Variants in SIK2 observed in about 807,000 individuals in gnomAD.
SIK2 encodes the protein serine/threonine-protein kinase SIK2.
In SIK2, 29 loss-of-function variants were observed where a neutral mutation model predicts 103.2. That is an observed-to-expected ratio of 0.28 (90% CI 0.21 to 0.38). The LOEUF (loss-of-function observed/expected upper bound fraction) is 0.38. Ranked by LOEUF, SIK2 falls within the 10% of genes least tolerant of loss-of-function variation. The pLI is 1.00. For synonymous variants in SIK2, 412 were observed against 446.1 expected, an observed-to-expected ratio of 0.92 and a Z score of 0.96; for missense variants, 879 against 1,171.0, an observed-to-expected ratio of 0.75 and a Z score of 3.64.
At chr11:111,635,308 A>G (rs556878953) in intron 3 of SIK2, among the ~76,000 whole-genome samples, 2 of 151,680 alleles carry the variant, frequency 1.3e-5, no homozygotes, top group South Asian at 2.1e-4. Flanking sequence ...TGAAAGGGGT[A>G]TATGAGTTTA....
intron 3 of SIK2, among the ~76,000 whole-genome samples, chr11:111,638,265 G>A (rs1942136284): frequency 6.6e-6 from 1 of 152,172 alleles, no homozygotes; most frequent in African/African-American, 2.4e-5. Context: ...GGGTTCTTAG[G>A]TCTGGAGACC....
At chr11:111,702,807 C>G (rs747428127) in intron 6 of SIK2, among the ~76,000 whole-genome samples, 5 of 152,176 alleles carry the variant, frequency 3.3e-5, no homozygotes, top group Non-Finnish European at 5.9e-5. Context: ...CGTTGGAGAG[C>G]TCTTTGCCTC....
rs1347223552 is a variant in SIK2 at position 111,602,554 on chromosome 11, G to A, written c.-10G>A. The A allele has an allele frequency of 3.3e-6, 5 of 1,504,978 alleles. No homozygotes were observed. The Admixed American group carries it at 8.6e-5, about 26-fold the overall frequency. 93.2% of individuals were successfully genotyped at this position (1,504,978 alleles called of 1,614,324 possible). A position where few individuals can be genotyped will look rare whatever the true frequency, so the allele number is the denominator to read the frequency against. On this transcript the variant is annotated 5_prime_UTR_variant, in exon 1 of 15. Transcript: ENST00000304987. This position sits in a 1 kb window ranked among gnomAD's most constrained non-coding sequence, Gnocchi z 4.5. ...GCTCCTGTCCGCCGTGTCTAGCAGC[G>A]GGGCCCAGCATGGTCATGGCGGATG...
intron 3 of SIK2, among the ~76,000 whole-genome samples, chr11:111,687,615 C>T (rs569360027): frequency 2.0e-4 from 20 of 98,958 alleles, no homozygotes; most frequent in African/African-American, 6.4e-4. Context: ...AAAAAAAAAA[C>T]TTTTTTTTTT....
At chr11:111,630,746 A>G (rs1162874691) in intron 3 of SIK2, among the ~76,000 whole-genome samples, 3 of 152,186 alleles carry the variant, frequency 2.0e-5, no homozygotes, top group African/African-American at 4.8e-5. Flanking sequence ...TTGGTCATTA[A>G]GAGATCACCA....
rs79559515 is a variant in SIK2 at position 111,665,999 on chromosome 11, G to A, written c.317-22002G>A. On this transcript the variant is annotated intron_variant, in intron 3 of 14. Coordinates refer to ENST00000304987, the MANE Select transcript of SIK2 (RefSeq NM_015191.3). Reference sequence around the variant, plus strand: ...CCTTGGAGAGTTCCAGGCAGTAGACGCTTTACAATGTGTGTGACTACTGCA... The same window carrying A: ...CCTTGGAGAGTTCCAGGCAGTAGACACTTTACAATGTGTGTGACTACTGCA... Among the ~76,000 whole-genome samples, 1,221 of 152,294 alleles carry A rather than the reference G, an allele frequency of 8.0e-3. 28 individuals are homozygous for A. Among genetic ancestry groups the A allele is most frequent in the African/African-American group, 0.027 (1,140 of 41,556 alleles).
At chr11:111,617,862 A>G (rs1488461707) in intron 2 of SIK2, among the ~76,000 whole-genome samples, 1 of 147,286 alleles carries the variant, frequency 6.8e-6, no homozygotes, top group East Asian at 2.0e-4. Flanking sequence ...ATATATATAT[A>G]CACACACACA....
At position 111,667,124 on chromosome 11, in the gene SIK2, T is replaced by A. The variant is rs930588454; in HGVS notation, c.317-20877T>A. The stretch of plus-strand genomic sequence containing the variant: ...CTGGGATTACTGGCTAATTTTTGTA[T>A]TTTTAGTAGAGATGGGGTTTCGACA... On this transcript the variant is annotated intron_variant, in intron 3 of 14. Coordinates refer to ENST00000304987, the MANE Select transcript of SIK2 (RefSeq NM_015191.3). Among the ~76,000 whole-genome samples the A allele has an allele frequency of 3.3e-5, 5 of 152,036 alleles. No homozygotes were observed. The East Asian group carries it at 7.7e-4, about 24-fold the overall frequency.
intron 3 of SIK2, among the ~76,000 whole-genome samples, chr11:111,650,834 C>T (rs1185057157): frequency 2.0e-5 from 3 of 152,040 alleles, no homozygotes; most frequent in Non-Finnish European, 2.9e-5. Flanking sequence ...CCAAAGTGAG[C>T]TCTACTTTAA....
At chr11:111,608,611 G>A (rs540917697) in intron 1 of SIK2, among the ~76,000 whole-genome samples, 6 of 152,170 alleles carry the variant, frequency 3.9e-5, no homozygotes, top group Admixed American at 6.5e-5. Flanking sequence ...TAACATTTCC[G>A]TAAGTTTGAA....
In SIK2 at chr11:111,726,911, A is replaced by G; in HGVS notation, c.*2782A>G. ...GAGGTAAAAATTTCGTTCGGCAAAA[A>G]GTGCAATATGTGTGGTACTTTATTT... On this transcript the variant is annotated 3_prime_UTR_variant, in exon 15 of 15. Coordinates refer to ENST00000304987, the MANE Select transcript of SIK2 (RefSeq NM_015191.3). The G allele has an allele frequency of 6.4e-7, 1 of 1,573,368 alleles. No homozygotes were observed. Among genetic ancestry groups the G allele is most frequent in the Non-Finnish European group, 8.7e-7 (1 of 1,145,502 alleles).
rs937895551 is a variant in SIK2 at position 111,620,203 on chromosome 11, A to G, written c.253-136A>G. 66 of 662,644 alleles carry G rather than the reference A, an allele frequency of 1.0e-4. 1 individual carries two copies. Among genetic ancestry groups the G allele is most frequent in the Non-Finnish European group, 1.7e-4 (64 of 374,486 alleles). The allele number at this position is 662,644 out of a possible 1,614,324, so 41.0% of individuals were successfully genotyped here. On this transcript the variant is annotated intron_variant, in intron 2 of 14. Transcript: ENST00000304987. ...TAATCAGAAGGATATTGTCAGGCTTATGAACTTAGCCATCTTCGGAATTGT... is the reference window on the plus strand; with the variant it reads ...TAATCAGAAGGATATTGTCAGGCTTGTGAACTTAGCCATCTTCGGAATTGT...
intron 3 of SIK2, among the ~76,000 whole-genome samples, chr11:111,657,637 C>T (rs1942408958): frequency 6.6e-6 from 1 of 152,234 alleles, no homozygotes; most frequent in African/African-American, 2.4e-5. Context: ...GATCCGCCTG[C>T]CCTGGCCTCC....
At position 111,705,331 on chromosome 11, in the gene SIK2, A is replaced by G. The variant is rs1333984944; in HGVS notation, c.1101+192A>G. 1.3e-5 allele frequency among the ~76,000 whole-genome samples: 2 copies of G among 152,220 alleles called. No homozygotes were observed. Among genetic ancestry groups the G allele is most frequent in the Admixed American group, 6.5e-5 (1 of 15,280 alleles). Reference sequence around the variant, plus strand: ...ATTTTTAAGGGTTAACTTTATTTCAAACAGTTTTTTAAAATTGTTTTCATC... The same window carrying G: ...ATTTTTAAGGGTTAACTTTATTTCAGACAGTTTTTTAAAATTGTTTTCATC... On this transcript the variant is annotated intron_variant, in intron 8 of 14. Transcript: ENST00000304987. The surrounding 1 kb of genome is among the most constrained non-coding windows in gnomAD (Gnocchi z 4.3).
chr11:111,699,472 A>C (rs1943159533), intron 4 of SIK2, among the ~76,000 whole-genome samples: 1 of 152,138 alleles, frequency 6.6e-6, no homozygotes. Flanking sequence ...ACAGCATCCT[A>C]TCTGGGTAGG....
chr11:111,665,061 G>C (rs1385344656), intron 3 of SIK2, among the ~76,000 whole-genome samples: 1 of 152,108 alleles, frequency 6.6e-6, no homozygotes, highest in Admixed American at 6.5e-5. Context: ...TAAAATAGTG[G>C]ACTTGGAGAA....
chr11:111,668,658 C>T (rs776130288), intron 3 of SIK2, among the ~76,000 whole-genome samples: 6 of 152,142 alleles, frequency 3.9e-5, no homozygotes, highest in Non-Finnish European at 5.9e-5. Flanking sequence ...GTCCGAGTGA[C>T]GTGGGAAGCC....
intron 3 of SIK2, among the ~76,000 whole-genome samples, chr11:111,643,241 G>A (rs1311899819): frequency 6.6e-6 from 1 of 152,148 alleles, no homozygotes; most frequent in African/African-American, 2.4e-5. Flanking sequence ...TGATGAGTAG[G>A]ATTTGTTTTG....
chr11:111,724,417 C>A lies in SIK2; in HGVS notation c.*288C>A. 1 of 428,158 alleles carries A rather than the reference C, an allele frequency of 2.3e-6. No homozygotes were observed. The highest frequency in any genetic ancestry group is 3.1e-5 in the South Asian group (1 of 32,240). The allele number at this position is 428,158 out of a possible 1,614,324, so 26.5% of individuals were successfully genotyped here. A position where few individuals can be genotyped will look rare whatever the true frequency, so the allele number is the denominator to read the frequency against. Reference sequence around the variant, plus strand: ...CGAGGGCAGCACTGACAAATGTGTTCCTAAGAAGACATTCAGACCCAGGTG... The same window carrying A: ...CGAGGGCAGCACTGACAAATGTGTTACTAAGAAGACATTCAGACCCAGGTG... On this transcript the variant is annotated 3_prime_UTR_variant, in exon 15 of 15. Coordinates refer to ENST00000304987, the MANE Select transcript of SIK2 (RefSeq NM_015191.3).
Sources: allele counts gnomAD v4.1 joint callset (sites outside exome capture counted in the v4.1 genomes callset), GRCh38; gene constraint gnomAD v4.1.1; non-coding constraint Gnocchi (gnomAD v3.1); transcripts MANE v1.5; gene names NCBI Gene and HGNC (gene_info 2026-07-23, HGNC 2026-07-21).